The following ANKRD7 variants were observed in gnomAD, a reference collection of about 807,000 sequenced individuals.
ANKRD7 encodes the protein ankyrin repeat domain-containing protein 7.
In ANKRD7, 30 loss-of-function variants were observed where a neutral mutation model predicts 30.8. The ratio of observed to expected loss-of-function variants is 0.97; its 90% confidence interval spans 0.73 to 1.32. ANKRD7 has a LOEUF of 1.32. ANKRD7 is among the 40% of genes most tolerant of loss of function. ANKRD7 has a pLI of 0.00. For missense variants in ANKRD7, 264 were observed against 295.7 expected, an observed-to-expected ratio of 0.89 and a Z score of 0.79; for synonymous variants, 97 against 106.6, an observed-to-expected ratio of 0.91 and a Z score of 0.55.
At chr7:118,240,306 TC>T (rs71150653) in intron 6 of ANKRD7, among the ~76,000 whole-genome samples, 2 of 151,928 alleles carry the variant, frequency 1.3e-5, no homozygotes, top group African/African-American at 4.8e-5. Context: ...GTGCTATCCT[TC>T]CCCCCTCCCC....
In ANKRD7 at chr7:118,236,936, A is replaced by G; in HGVS notation, c.712+10A>G. The G allele has an allele frequency of 1.2e-6, 2 of 1,612,856 alleles. No homozygotes were observed. Among genetic ancestry groups the G allele is most frequent in the Admixed American group, 3.3e-5 (2 of 59,918 alleles). On this transcript the variant is annotated intron_variant, in intron 5 of 6. Coordinates refer to ENST00000265224, the MANE Select transcript of ANKRD7 (RefSeq NM_019644.4). Reference sequence around the variant, plus strand: ...TCCATGGTTTTACTGCGTAAGTGATACTGCATGTCTTTTAACAACTGTATG... The same window carrying G: ...TCCATGGTTTTACTGCGTAAGTGATGCTGCATGTCTTTTAACAACTGTATG...
intron 4 of ANKRD7, 121 bp downstream of exon 4, chr7:118,236,268 G>C (rs1809728290): frequency 1.8e-6 from 1 of 551,176 alleles, no homozygotes; most frequent in Admixed American, 3.6e-5. Flanking sequence ...ATGATATTGG[G>C]AAAATATAGA....
At chr7:118,235,848 A>T (rs927953669) in intron 3 of ANKRD7, among the ~76,000 whole-genome samples, 193 bp from the exon 4 acceptor site, 1 of 152,144 alleles carries the variant, frequency 6.6e-6, no homozygotes, top group South Asian at 2.1e-4. Flanking sequence ...AGGAACTTAA[A>T]TTTTTTTGTC....
rs3061682 is a variant in ANKRD7, at chr7:118,241,521, C to CTTTTTTTTTTTTTT, written c.*38-813_*38-800dup. ...TTAGGGGAGAATTTCTCTGAATTAC[C>CTTTTTTTTTTTTTT]TTTTTTTTTTTTTTTTTTTTTTTTT... On this transcript the variant is annotated intron_variant, in intron 6 of 6. Transcript: ENST00000265224. Among the ~76,000 whole-genome samples, 53 of 84,550 alleles carry CTTTTTTTTTTTTTT rather than the reference C, an allele frequency of 6.3e-4. 3 individuals are homozygous for CTTTTTTTTTTTTTT. The highest frequency in any genetic ancestry group is 9.0e-4 in the African/African-American group (20 of 22,326). The allele number at this position is 84,550 out of a possible 152,430, so 55.5% of individuals were successfully genotyped here. A position where few individuals can be genotyped will look rare whatever the true frequency, so the allele number is the denominator to read the frequency against.
intron 5 of ANKRD7, among the ~76,000 whole-genome samples, chr7:118,239,602 G>T (rs1017643953): frequency 2.0e-5 from 3 of 152,138 alleles, no homozygotes; most frequent in African/African-American, 7.2e-5. Context: ...CATTTGTGGT[G>T]TTTTGTTATG....
At position 118,236,107 on chromosome 7, in the gene ANKRD7, G is replaced by A; in HGVS notation, c.535G>A (p.Glu179Lys). 3 of 1,608,460 alleles carry A rather than the reference G, an allele frequency of 1.9e-6. No homozygotes were observed. Among genetic ancestry groups the A allele is most frequent in the Non-Finnish European group, 1.7e-6 (2 of 1,175,888 alleles). ...TCCAAAAATGGTAAAATTTCTTCTG[G>A]AGAAAGGGGCTGATGTGAATGCTTC... ...NNPKMVKFLL[E>K]KGADVNASDN... The change falls in exon 4 of 7, where the codon GAG becomes AAG. Residue 179 changes from glutamate (E) to lysine (K), a missense_variant. By Grantham distance (56) the Glu-to-Lys change is moderately conservative. Coordinates refer to ENST00000265224, the MANE Select transcript of ANKRD7 (RefSeq NM_019644.4).
chr7:118,224,908 A>G lies in ANKRD7; in HGVS notation c.78A>G (p.Leu26=). ...GCTACAACCTTCGAGAAAAGGATTT[A>G]AAGAAACTTCACAGAGCTGCTTCAG... The part of the protein sequence containing the change: ...SQGYNLREKD[L]KKLHRAASVG... The change falls in exon 1 of 7, where the codon TTA becomes TTG. Residue 26 remains leucine, a synonymous_variant. Transcript: ENST00000265224. 16 of 1,614,234 alleles carry G rather than the reference A, an allele frequency of 9.9e-6. No homozygotes were observed. The highest frequency in any genetic ancestry group is 1.4e-5 in the Non-Finnish European group (16 of 1,180,040).
intron 4 of ANKRD7, 111 bp from the exon 5 acceptor site, chr7:118,236,679 T>A: frequency 8.7e-7 from 1 of 1,153,388 alleles, no homozygotes; most frequent in South Asian, 1.5e-5. Flanking sequence ...TTGCTTTGAC[T>A]CTTTCTGATA....
intron 1 of ANKRD7, among the ~76,000 whole-genome samples, chr7:118,232,181 T>G (rs1043214202): frequency 4.6e-5 from 7 of 152,088 alleles, no homozygotes; most frequent in Non-Finnish European, 2.9e-5. Context: ...AACAAATTTT[T>G]TTTTTGTTTG....
intron 1 of ANKRD7, among the ~76,000 whole-genome samples, chr7:118,227,043 C>T (rs1206693377): frequency 1.3e-5 from 2 of 151,890 alleles, no homozygotes; most frequent in African/African-American, 2.4e-5. Context: ...TCTTATAGTT[C>T]CTTTGTCTTT....
intron 6 of ANKRD7, among the ~76,000 whole-genome samples, chr7:118,242,145 G>A (rs1251390406): frequency 6.6e-6 from 1 of 152,140 alleles, no homozygotes; most frequent in East Asian, 1.9e-4. Context: ...ATTACCAAAA[G>A]ATGTTGCAAA....
intron 1 of ANKRD7, among the ~76,000 whole-genome samples, chr7:118,230,677 A>T (rs570490394): frequency 3.3e-5 from 5 of 151,722 alleles, no homozygotes; most frequent in Non-Finnish European, 5.9e-5. Context: ...GAGATACTGA[A>T]AATGAGAAAG....
At chr7:118,234,666 A>T in intron 2 of ANKRD7, 35 bp from the exon 3 acceptor site, 2 of 1,578,308 alleles carry the variant, frequency 1.3e-6, no homozygotes, top group Non-Finnish European at 1.7e-6. Context: ...CCAAGTAGTA[A>T]ATTGGTTACT....
chr7:118,241,252 T>C (rs1390523126), intron 6 of ANKRD7, among the ~76,000 whole-genome samples: 1 of 151,562 alleles, frequency 6.6e-6, no homozygotes, highest in Non-Finnish European at 1.5e-5. Context: ...ACACTGACTT[T>C]TGTTGGATGA....
At chr7:118,239,546 G>A (rs1809787946) in intron 5 of ANKRD7, among the ~76,000 whole-genome samples, 1 of 152,172 alleles carries the variant, frequency 6.6e-6, no homozygotes, top group Admixed American at 6.5e-5. Context: ...CAATAAATGT[G>A]CAGCCGACAG....
At chr7:118,233,446 A>C (rs1159700376) in intron 1 of ANKRD7, among the ~76,000 whole-genome samples, 2 of 151,870 alleles carry the variant, frequency 1.3e-5, no homozygotes, top group Non-Finnish European at 2.9e-5. Flanking sequence ...GCTTTCTCCA[A>C]TTTTTTGAAC....
intron 2 of ANKRD7, 31 bp from the exon 3 acceptor site, chr7:118,234,670 G>T (rs762127092): frequency 4.4e-6 from 7 of 1,580,148 alleles, no homozygotes; most frequent in Non-Finnish European, 4.3e-6. Context: ...GTAGTAAATT[G>T]GTTACTCATC....
chr7:118,224,911 G>T lies in ANKRD7; in HGVS notation c.81G>T (p.Lys27Asn). 6.2e-7 allele frequency: 1 copy of T among 1,614,206 alleles called. No homozygotes were observed. The highest frequency in any genetic ancestry group is 8.5e-7 in the Non-Finnish European group (1 of 1,180,028). ...ACAACCTTCGAGAAAAGGATTTAAA[G>T]AAACTTCACAGAGCTGCTTCAGTCG... ...QGYNLREKDL[K>N]KLHRAASVGD... Residue 27 changes from lysine (K) to asparagine (N), a missense_variant, in exon 1 of 7, where the codon AAG (lysine) becomes AAT (asparagine). Lys to Asn is a moderately conservative substitution (Grantham distance 94). Transcript: ENST00000265224.
chr7:118,227,272 G>C (rs1809559158), intron 1 of ANKRD7, among the ~76,000 whole-genome samples: 1 of 152,090 alleles, frequency 6.6e-6, no homozygotes, highest in Admixed American at 6.6e-5. Flanking sequence ...CCCAAACTTT[G>C]TTGTTGTCAT....
Sources: allele counts gnomAD v4.1 joint callset (sites outside exome capture counted in the v4.1 genomes callset), GRCh38; gene constraint gnomAD v4.1.1; transcripts MANE v1.5; gene names NCBI Gene and HGNC (gene_info 2026-07-23, HGNC 2026-07-21).